MAPT: variants seen among roughly 807,000 people sequenced by gnomAD.
MAPT encodes microtubule-associated protein tau.
A neutral mutation model predicts 67.9 loss-of-function variants in MAPT; 34 were observed. The observed-to-expected ratio is 0.50, with a 90% CI of 0.38 to 0.67. The LOEUF (loss-of-function observed/expected upper bound fraction) is 0.67. Ranked by LOEUF, MAPT falls within the 30% of genes least tolerant of loss-of-function variation. The probability of loss-of-function intolerance (pLI) is 0.00; values close to 1 mark genes in which losing one functional copy is unlikely to be tolerated. For missense variants in MAPT, 881 were observed against 1,115.2 expected, an observed-to-expected ratio of 0.79 and a Z score of 2.99; for synonymous variants, 456 against 464.5, an observed-to-expected ratio of 0.98 and a Z score of 0.23.
chr17:46,011,321 G>A (rs1029150427), intron 10 of MAPT, among the ~76,000 whole-genome samples: 1 of 152,180 alleles, frequency 6.6e-6, no homozygotes, highest in African/African-American at 2.4e-5. Flanking sequence ...GCCTGAGTCC[G>A]GGAGGCGGAA....
rs1009473070 is a variant in MAPT at position 45,995,994 on chromosome 17, G to A, written c.1733-405G>A. On this transcript the variant is annotated intron_variant, in intron 8 of 12. Coordinates refer to ENST00000262410, the MANE Select transcript of MAPT (RefSeq NM_001377265.1). This position sits in a 1 kb window ranked among gnomAD's most constrained non-coding sequence, Gnocchi z 4.3. Reference sequence around the variant, plus strand: ...CATATCTACCACCTCCTGGAGCCACGCTGGCCGCAGGGATTATAATTATTT... The same window carrying A: ...CATATCTACCACCTCCTGGAGCCACACTGGCCGCAGGGATTATAATTATTT... 3.3e-5 allele frequency among the ~76,000 whole-genome samples: 5 copies of A among 152,160 alleles called. No individual in the cohort carries two copies. The highest frequency in any genetic ancestry group is 9.7e-5 in the African/African-American group (4 of 41,426).
chr17:45,925,194 T>C (rs1449268884), intron 1 of MAPT, among the ~76,000 whole-genome samples: 1 of 152,240 alleles, frequency 6.6e-6, no homozygotes, highest in Non-Finnish European at 1.5e-5. Flanking sequence ...AGCAAACCAT[T>C]TCTTGAGTGC....
chr17:45,952,411 A>C (rs577418888), intron 1 of MAPT, among the ~76,000 whole-genome samples: 38 of 152,302 alleles, frequency 2.5e-4, no homozygotes, highest in African/African-American at 8.9e-4. Flanking sequence ...ACCCCGCCCC[A>C]GCCTCCTGAG....
intron 1 of MAPT, among the ~76,000 whole-genome samples, chr17:45,902,322 G>A (rs538552292): frequency 1.3e-4 from 20 of 152,116 alleles, no homozygotes; most frequent in Middle Eastern, 3.4e-3. Context: ...CACCCACCTC[G>A]GCCTCCCAAA....
At chr17:45,999,586 C>T (rs779983133) in intron 9 of MAPT, 8 of 1,612,336 alleles carry the variant, frequency 5.0e-6, no homozygotes, top group Non-Finnish European at 6.8e-6. Flanking sequence ...CTTTCAGGGC[C>T]AGAACTGTCC....
chr17:45,930,996 C>T lies in MAPT; in HGVS notation c.-17-31325C>T, dbSNP rs542482711. On this transcript the variant is annotated intron_variant, in intron 1 of 12. Coordinates refer to ENST00000262410, the MANE Select transcript of MAPT (RefSeq NM_001377265.1). Reference sequence around the variant, plus strand: ...GCCCCAAGAAGTCACTGCAAACCTTCGTATTATTGAGCTTCACATCCTAGA... The same window carrying T: ...GCCCCAAGAAGTCACTGCAAACCTTTGTATTATTGAGCTTCACATCCTAGA... Among the ~76,000 whole-genome samples, 3 of 152,294 alleles carry T rather than the reference C, an allele frequency of 2.0e-5. No homozygotes were observed. The South Asian group carries it at 6.2e-4, about 32-fold the overall frequency.
At chr17:46,017,987 T>C (rs976227682) in intron 11 of MAPT, among the ~76,000 whole-genome samples, 2 of 150,922 alleles carry the variant, frequency 1.3e-5, no homozygotes, top group East Asian at 4.0e-4. Flanking sequence ...CTACTGAAAA[T>C]ACAAAAAATT....
chr17:46,000,723 C>T (rs572310708), intron 9 of MAPT, among the ~76,000 whole-genome samples: 2 of 152,296 alleles, frequency 1.3e-5, no homozygotes, highest in African/African-American at 4.8e-5. Flanking sequence ...CCACTGCGGC[C>T]TCCTGTGCAC....
At chr17:46,012,669 C>G (rs62062265) in intron 10 of MAPT, among the ~76,000 whole-genome samples, 21,780 of 152,014 alleles carry the variant, frequency 0.14, 2,127 homozygotes, top group Non-Finnish European at 0.22. Flanking sequence ...CCCCTCCCTG[C>G]CCTCCAGGTA....
intron 5 of MAPT, among the ~76,000 whole-genome samples, chr17:45,985,037 C>G (rs1389033185): frequency 6.6e-6 from 1 of 152,224 alleles, no homozygotes; most frequent in African/African-American, 2.4e-5. Context: ...GGGGCGATGG[C>G]TCACGCCTGT....
chr17:45,906,465 CT>C lies in MAPT; in HGVS notation c.-18+11780del, dbSNP rs1315697435. On this transcript the variant is annotated intron_variant, in intron 1 of 12. Transcript: ENST00000262410. The surrounding 1 kb of genome is among the most constrained non-coding windows in gnomAD (Gnocchi z 4.3). ...CTTGGATGGTGTAATATTCTGACAT[CT>C]GTTTGGTGTCAAAGGCACGGGGCAG... Among the ~76,000 whole-genome samples, 17 of 152,122 alleles carry C rather than the reference CT, an allele frequency of 1.1e-4. No individual in the cohort carries two copies. The highest frequency in any genetic ancestry group is 1.9e-4 in the Non-Finnish European group (13 of 68,032).
rs2076686164 is a variant in MAPT, at chr17:46,023,941, T to A, written c.2287-15T>A. On this transcript the variant is annotated splice_polypyrimidine_tract_variant and intron_variant, in intron 12 of 12. Coordinates refer to ENST00000262410, the MANE Select transcript of MAPT (RefSeq NM_001377265.1). Reference sequence around the variant, plus strand: ...GGCACTTCATCTCACCCTCCCTCCCTTCCTCTTCTTGCAGATTGAAACCCA... The same window carrying A: ...GGCACTTCATCTCACCCTCCCTCCCATCCTCTTCTTGCAGATTGAAACCCA... 7 of 1,611,792 alleles carry A rather than the reference T, an allele frequency of 4.3e-6. No homozygotes were observed. The African/African-American group carries it at 9.3e-5, about 22-fold the overall frequency.
At chr17:45,991,689 C>T in intron 8 of MAPT, 103 bp downstream of exon 8, 4 of 1,517,540 alleles carry the variant, frequency 2.6e-6, no homozygotes, top group East Asian at 2.3e-5. Context: ...TAACCCCTGG[C>T]AGCTGGTCAG....
rs150821301 is a variant in MAPT, at chr17:45,960,982, TTGG to T, written c.-17-1337_-17-1335del. ...TCCACCATGTTCCAAGAGAAGAAAC[TTGG>T]TCATTGAAAGGAATAGATCAAATCC... On this transcript the variant is annotated intron_variant, in intron 1 of 12. Coordinates refer to ENST00000262410, the MANE Select transcript of MAPT (RefSeq NM_001377265.1). 3.1e-3 allele frequency among the ~76,000 whole-genome samples: 475 copies of T among 152,296 alleles called. 3 individuals are homozygous for T. The highest frequency in any genetic ancestry group is 4.1e-3 in the Non-Finnish European group (282 of 68,018).
intron 1 of MAPT, among the ~76,000 whole-genome samples, chr17:45,904,286 TATGTATA>T (rs1219548501): frequency 4.3e-5 from 2 of 46,724 alleles, no homozygotes; most frequent in East Asian, 7.5e-4. Context: ...ATATATATAA[TATGTATA>T]ATATATAATA....
At chr17:45,946,441 A>G (rs1249388796) in intron 1 of MAPT, among the ~76,000 whole-genome samples, 1 of 149,694 alleles carries the variant, frequency 6.7e-6, no homozygotes, top group African/African-American at 2.4e-5. Context: ...GTCTCTACTA[A>G]AAGTTCAAAA....
rs368295974 is a variant in MAPT at position 45,983,439 on chromosome 17, C to G, written c.860C>G (p.Pro287Arg). Residue 287 changes from proline (P) to arginine (R), a missense_variant, in exon 5 of 13, where the codon CCG becomes CGG. By Grantham distance (103) the Pro-to-Arg change is moderately radical. Coordinates refer to ENST00000262410, the MANE Select transcript of MAPT (RefSeq NM_001377265.1). ...AAGGGGGCAGGGGGCAAAGAGAGGCCGGGGAGCAAGGAGGAGGTGGATGAA... is the reference window on the plus strand; with the variant it reads ...AAGGGGGCAGGGGGCAAAGAGAGGCGGGGGAGCAAGGAGGAGGTGGATGAA... The part of the protein sequence containing the change: ...PLKGAGGKER[P>R]GSKEEVDEDR... 1 of 1,606,420 alleles carries G rather than the reference C, an allele frequency of 6.2e-7. No homozygotes were observed. The highest frequency in any genetic ancestry group is 8.5e-7 in the Non-Finnish European group (1 of 1,175,782).
At chr17:46,008,288 C>A (rs2075588783) in intron 9 of MAPT, among the ~76,000 whole-genome samples, 1 of 152,172 alleles carries the variant, frequency 6.6e-6, no homozygotes, top group African/African-American at 2.4e-5. Flanking sequence ...CGGGGTTTCA[C>A]CACGTTGGCC....
At chr17:45,999,450 G>C (rs1400434158) in intron 9 of MAPT, 1 of 1,614,052 alleles carries the variant, frequency 6.2e-7, no homozygotes, top group East Asian at 2.2e-5. Flanking sequence ...TAGCTTCCCT[G>C]TTGACCCTGA....
Sources: allele counts gnomAD v4.1 joint callset (sites outside exome capture counted in the v4.1 genomes callset), GRCh38; gene constraint gnomAD v4.1.1; non-coding constraint Gnocchi (gnomAD v3.1); transcripts MANE v1.5; gene names NCBI Gene and HGNC (gene_info 2026-07-23, HGNC 2026-07-21).